Variants in CALU observed in about 807,000 individuals in gnomAD.
The protein encoded by CALU is calumenin, also known as IEF SSP 9302.
Under a neutral mutation model 37.5 loss-of-function variants are expected in CALU, and 13 were observed. The ratio of observed to expected loss-of-function variants is 0.35; its 90% confidence interval spans 0.23 to 0.55. CALU has a LOEUF of 0.55. Among genes scored for constraint, CALU ranks in the 20% least tolerant of loss-of-function variants. The pLI is 0.89. For missense variants in CALU, 282 were observed against 391.7 expected, an observed-to-expected ratio of 0.72 and a Z score of 2.36; for synonymous variants, 114 against 133.8, an observed-to-expected ratio of 0.85 and a Z score of 1.02.
chr7:128,770,831 A>G lies in CALU; in HGVS notation c.*1664A>G, dbSNP rs1585024821. ...TGTATATATAACCTTTATTATTGCTATATCTTTGTGGATAATACATTCAGG... is the reference window on the plus strand; with the variant it reads ...TGTATATATAACCTTTATTATTGCTGTATCTTTGTGGATAATACATTCAGG... On this transcript the variant is annotated 3_prime_UTR_variant, in exon 7 of 7. Transcript: ENST00000249364. The G allele has an allele frequency of 6.6e-6, 1 of 152,602 alleles. No individual in the cohort carries two copies. 9.5% of individuals were successfully genotyped at this position (152,602 alleles called of 1,614,324 possible). A position where few individuals can be genotyped will look rare whatever the true frequency, so the allele number is the denominator to read the frequency against.
intron 5 of CALU, among the ~76,000 whole-genome samples, chr7:128,766,731 AC>A (rs1196689646): frequency 1.1e-4 from 16 of 152,334 alleles, no homozygotes; most frequent in African/African-American, 3.6e-4. Context: ...TGCTGGAATT[AC>A]AGGTGTGAGC....
At chr7:128,747,621 CCTT>C (rs1585002313) in intron 1 of CALU, 1 of 152,174 alleles carries the variant, frequency 6.6e-6, no homozygotes, top group South Asian at 2.1e-4. Flanking sequence ...GCCTGAAAAC[CCTT>C]CTTCTTGATT....
At chr7:128,741,522 A>G (rs1157161217) in intron 1 of CALU, among the ~76,000 whole-genome samples, 1 of 152,230 alleles carries the variant, frequency 6.6e-6, no homozygotes, top group Non-Finnish European at 1.5e-5. Flanking sequence ...TGAGTGGTTC[A>G]GACGAGTTTT....
rs567145540 is a variant in CALU at position 128,756,979 on chromosome 7, C to T, written c.416-1892C>T. Among the ~76,000 whole-genome samples, 3 of 151,916 alleles carry T rather than the reference C, an allele frequency of 2.0e-5. No individual in the cohort carries two copies. The East Asian group carries it at 5.8e-4, about 29-fold the overall frequency. On this transcript the variant is annotated intron_variant, in intron 3 of 6. Transcript: ENST00000249364. ...CAGTAGTCCTAGCTACTTGGGAGGC[C>T]GAAGCAGGAGGATTGCTTGAGCCCC...
At chr7:128,760,501 T>TA (rs57494372) in intron 5 of CALU, among the ~76,000 whole-genome samples, 1 of 152,116 alleles carries the variant, frequency 6.6e-6, no homozygotes, top group African/African-American at 2.4e-5. Context: ...GGTTTTTTTT[T>TA]AATACTTAAA....
chr7:128,757,448 C>T (rs1052399533), intron 3 of CALU, among the ~76,000 whole-genome samples: 5 of 151,878 alleles, frequency 3.3e-5, no homozygotes, highest in Non-Finnish European at 5.9e-5. Flanking sequence ...ATTTTTGACA[C>T]TCAATAAAAA....
intron 3 of CALU, among the ~76,000 whole-genome samples, chr7:128,756,204 G>A (rs576011787): frequency 3.3e-5 from 5 of 152,320 alleles, no homozygotes; most frequent in African/African-American, 1.2e-4. Flanking sequence ...GCAAAGAGTA[G>A]GCTATTGGTG....
Position 128,770,026 on chromosome 7 carries a change from C to T in CALU, c.*859C>T, listed in dbSNP as rs1013830934. 6.6e-6 allele frequency: 1 copy of T among 152,494 alleles called. No individual in the cohort carries two copies. Among genetic ancestry groups the T allele is most frequent in the Non-Finnish European group, 1.5e-5 (1 of 68,026 alleles). 9.4% of individuals were successfully genotyped at this position (152,494 alleles called of 1,614,324 possible). On this transcript the variant is annotated 3_prime_UTR_variant, in exon 7 of 7. Transcript: ENST00000249364. Reference sequence around the variant, plus strand: ...GAAATGCTCAAGACTTAATTATTTGCCTTTTGAAATCACTGTAAATGCCCC... The same window carrying T: ...GAAATGCTCAAGACTTAATTATTTGTCTTTTGAAATCACTGTAAATGCCCC...
In CALU at chr7:128,739,946, G is replaced by A. The variant is rs796920635; in HGVS notation, c.-12+514G>A. 7.4e-4 allele frequency among the ~76,000 whole-genome samples: 113 copies of A among 152,276 alleles called. 1 individual carries two copies. Among genetic ancestry groups the A allele is most frequent in the African/African-American group, 2.5e-3 (103 of 41,538 alleles). On this transcript the variant is annotated intron_variant, in intron 1 of 6. Coordinates refer to ENST00000249364, the MANE Select transcript of CALU (RefSeq NM_001219.5). ...CACCTAAAGGGTGCAGAAACAAGGGGGGAGAGAACGAGTGACGACACTAGG... is the reference window on the plus strand; with the variant it reads ...CACCTAAAGGGTGCAGAAACAAGGGAGGAGAGAACGAGTGACGACACTAGG...
chr7:128,768,941 A>G (rs930782404), intron 6 of CALU, 122 bp from the exon 7 acceptor site: 12 of 608,292 alleles, frequency 2.0e-5, no homozygotes, highest in Admixed American at 7.8e-5. Flanking sequence ...AGTAGTTCAC[A>G]CTTAATTTAG....
rs745352223 is a variant in CALU, at chr7:128,767,463, G to A, written c.651G>A (p.Met217Ile). ...GTATGTCTGTGTACCCAGGTGACAT[G>A]TACAGCCATGATGGGAATACTGATG... The part of the protein sequence containing the change: ...FIDLEEYIGD[M>I]YSHDGNTDEP... The change falls in exon 6 of 7, where the codon ATG (methionine) becomes ATA (isoleucine). Residue 217 changes from methionine (M) to isoleucine (I), a missense_variant. Coordinates refer to ENST00000249364, the MANE Select transcript of CALU (RefSeq NM_001219.5). 8 of 1,612,450 alleles carry A rather than the reference G, an allele frequency of 5.0e-6. No homozygotes were observed. In the South Asian group the frequency reaches 7.7e-5, roughly 15 times the overall value.
intron 1 of CALU, among the ~76,000 whole-genome samples, chr7:128,744,594 C>T (rs1459957107): frequency 6.6e-6 from 1 of 151,992 alleles, no homozygotes; most frequent in Non-Finnish European, 1.5e-5. Flanking sequence ...TGGCTTTGTC[C>T]ATCTGGGTCC....
intron 3 of CALU, 85 bp downstream of exon 3, chr7:128,754,540 A>G (rs748187816): frequency 1.3e-5 from 20 of 1,568,088 alleles, no homozygotes; most frequent in Admixed American, 5.7e-5. Flanking sequence ...ATGATTGTAG[A>G]TAAAATAGAC....
intron 2 of CALU, among the ~76,000 whole-genome samples, chr7:128,749,646 T>G (rs1800581856): frequency 6.6e-6 from 1 of 152,228 alleles, no homozygotes. Flanking sequence ...CCTTGATGGG[T>G]AGCATTTTGA....
At chr7:128,759,102 C>T (rs1801001625) in intron 4 of CALU, 65 bp downstream of exon 4, 1 of 1,279,266 alleles carries the variant, frequency 7.8e-7, no homozygotes, top group Middle Eastern at 1.9e-4. Flanking sequence ...TTCTGTCTTT[C>T]CCCTTTAGCC....
intron 5 of CALU, among the ~76,000 whole-genome samples, chr7:128,760,965 G>A (rs897823410): frequency 6.6e-6 from 1 of 152,160 alleles, no homozygotes. Flanking sequence ...GGGAAACCCA[G>A]GGAAAGGAGA....
rs11327311 is a variant in CALU, at chr7:128,762,043, A to AT, written c.643+2205dup. ...ATAGGATGGATGTTTTCCTAAACTG[A>AT]TTTTTTTTTTTTTTGGAGAAGTTTA... On this transcript the variant is annotated intron_variant, in intron 5 of 6. Coordinates refer to ENST00000249364, the MANE Select transcript of CALU (RefSeq NM_001219.5). Among the ~76,000 whole-genome samples, 582 of 148,606 alleles carry AT rather than the reference A, an allele frequency of 3.9e-3. 6 individuals carry two copies. Among genetic ancestry groups the AT allele is most frequent in the East Asian group, 0.022 (112 of 5,114 alleles).
At chr7:128,739,614 G>GA (rs1800151332) in intron 1 of CALU, among the ~76,000 whole-genome samples, 182 bp downstream of exon 1, 1 of 152,006 alleles carries the variant, frequency 6.6e-6, no homozygotes, top group Admixed American at 6.6e-5. Flanking sequence ...TGCAGCCTGG[G>GA]ATGGAGGCCG....
chr7:128,759,952 C>CT (rs1477791262), intron 5 of CALU, 100 bp downstream of exon 5: 2 of 721,306 alleles, frequency 2.8e-6, no homozygotes, highest in African/African-American at 3.5e-5. Context: ...AATCCCAACA[C>CT]TGGGAGGCCG....
Sources: gnomAD v4.1 joint callset for allele counts (sites outside exome capture counted in the v4.1 genomes callset) on GRCh38, gnomAD v4.1.1 for gene constraint, MANE v1.5 for transcripts, NCBI Gene and HGNC (gene_info 2026-07-23, HGNC 2026-07-21) for gene names.